Variants in PCDH7 observed in about 807,000 individuals in gnomAD.
The protein encoded by PCDH7 is protocadherin 7.
In PCDH7, 17 loss-of-function variants were observed where a neutral mutation model predicts 58.9. That is an observed-to-expected ratio of 0.29 (90% CI 0.20 to 0.43). PCDH7 has a LOEUF of 0.43. Ranked by LOEUF, PCDH7 falls within the 20% of genes least tolerant of loss-of-function variation. The pLI is 1.00. For missense variants in PCDH7, 1,274 were observed against 1,441.0 expected (o/e 0.88, Z 1.88); for synonymous variants, 664 against 616.4 (o/e 1.08, Z -1.14).
At chr4:30,793,637 A>G (rs999790656) in intron 1 of PCDH7, among the ~76,000 whole-genome samples, 2 of 152,190 alleles carry the variant, frequency 1.3e-5, no homozygotes, top group African/African-American at 2.4e-5. Flanking sequence ...GAGAATACAC[A>G]TATACTTTGT....
At chr4:30,946,782 A>C (rs534558757) in intron 2 of PCDH7, among the ~76,000 whole-genome samples, 1 of 149,444 alleles carries the variant, frequency 6.7e-6, no homozygotes, top group African/African-American at 2.5e-5. Context: ...ATCTTGGCTC[A>C]CTGCAACCTC....
At chr4:30,857,250 G>A (rs765762834) in intron 1 of PCDH7, among the ~76,000 whole-genome samples, 21 of 151,938 alleles carry the variant, frequency 1.4e-4, no homozygotes, top group African/African-American at 2.9e-4. Context: ...CTCTGTCTGC[G>A]TCACATCAGC....
intron 3 of PCDH7, among the ~76,000 whole-genome samples, chr4:30,997,286 TTAA>T (rs1218541052): frequency 2.6e-5 from 4 of 152,138 alleles, no homozygotes; most frequent in African/African-American, 9.7e-5. Context: ...TATAGAACTA[TTAA>T]TAATAACATG....
intron 1 of PCDH7, among the ~76,000 whole-genome samples, chr4:30,890,929 G>T (rs967848378): frequency 6.6e-6 from 1 of 152,090 alleles, no homozygotes; most frequent in Admixed American, 6.6e-5. Flanking sequence ...GGGCCTTTGT[G>T]TTATTAAACA....
At chr4:30,773,436 C>T (rs1198174298) in intron 1 of PCDH7, among the ~76,000 whole-genome samples, 4 of 152,088 alleles carry the variant, frequency 2.6e-5, no homozygotes, top group Non-Finnish European at 4.4e-5. Flanking sequence ...TCATGGACCT[C>T]TCATAATCAT....
chr4:30,842,308 G>C (rs762630649), intron 1 of PCDH7, among the ~76,000 whole-genome samples: 1 of 152,092 alleles, frequency 6.6e-6, no homozygotes, highest in Non-Finnish European at 1.5e-5. Context: ...TACATAACTG[G>C]AACATAGTAA....
chr4:30,911,025 G>A (rs1741674517), intron 1 of PCDH7, among the ~76,000 whole-genome samples: 1 of 152,078 alleles, frequency 6.6e-6, no homozygotes, highest in South Asian at 2.1e-4. Flanking sequence ...GGATGAAGTT[G>A]GAAACCATCC....
chr4:30,725,093 T>C (rs1184752048), intron 1 of PCDH7: 1 of 1,001,258 alleles, frequency 1.0e-6, no homozygotes, highest in East Asian at 1.1e-4. Flanking sequence ...TAGATGCTGA[T>C]TCATGCAGAT....
chr4:31,108,709 C>T (rs1391517821), intron 3 of PCDH7, among the ~76,000 whole-genome samples: 1 of 151,966 alleles, frequency 6.6e-6, no homozygotes, highest in Admixed American at 6.6e-5. Context: ...ATTGTAGATA[C>T]ATAACATATT....
At position 30,763,247 on chromosome 4, in the gene PCDH7, T is replaced by A. The variant is rs562437876; in HGVS notation, c.70+38651T>A. Among the ~76,000 whole-genome samples, 22 of 152,222 alleles carry A rather than the reference T, an allele frequency of 1.4e-4. 1 individual carries two copies. The highest frequency in any genetic ancestry group is 5.3e-4 in the African/African-American group (22 of 41,550). On this transcript the variant is annotated intron_variant, in intron 1 of 3. Transcript: ENST00000509759. ...AAAAAAATAAAAGCATAAATAAATATATTTAGCCTAAAATGGCTGTATTAT... is the reference window on the plus strand; with the variant it reads ...AAAAAAATAAAAGCATAAATAAATAAATTTAGCCTAAAATGGCTGTATTAT...
chr4:30,806,521 G>T (rs746925624), intron 1 of PCDH7, among the ~76,000 whole-genome samples: 1 of 151,700 alleles, frequency 6.6e-6, no homozygotes, highest in Admixed American at 6.6e-5. Context: ...GGTCAGGCTG[G>T]TCTCGAACTC....
At chr4:30,983,556 T>G (rs1450614860) in intron 3 of PCDH7, among the ~76,000 whole-genome samples, 1 of 152,222 alleles carries the variant, frequency 6.6e-6, no homozygotes, top group East Asian at 1.9e-4. Context: ...TACATTTGCA[T>G]GATCATTCAT....
intron 3 of PCDH7, among the ~76,000 whole-genome samples, chr4:30,960,232 G>A (rs1422305928): frequency 1.3e-5 from 2 of 151,748 alleles, no homozygotes; most frequent in East Asian, 3.9e-4. Flanking sequence ...ATTTGGAGAT[G>A]CTACATCCAA....
chr4:30,753,571 T>TTGGATTTTTGACACAGGGCTCAAG, intron 1 of PCDH7, among the ~76,000 whole-genome samples: 1 of 152,148 alleles, frequency 6.6e-6, no homozygotes, highest in Non-Finnish European at 1.5e-5. Context: ...TATACACCCT[T>TTGGATTTTTGACACAGGGCTCAAG]TGGATTTTTG....
At chr4:30,867,140 A>G (rs187607219) in intron 1 of PCDH7, among the ~76,000 whole-genome samples, 427 of 152,190 alleles carry the variant, frequency 2.8e-3, no homozygotes, top group African/African-American at 9.6e-3. Context: ...GTACAGGTCC[A>G]TGGATCAGAG....
intron 2 of PCDH7, among the ~76,000 whole-genome samples, chr4:30,937,244 C>T (rs1745470736): frequency 6.6e-6 from 1 of 152,138 alleles, no homozygotes; most frequent in South Asian, 2.1e-4. Flanking sequence ...AAAACTTTAG[C>T]TAAATGTGTA....
intron 3 of PCDH7, among the ~76,000 whole-genome samples, chr4:31,113,433 A>C (rs1324484782): frequency 1.3e-5 from 2 of 152,226 alleles, no homozygotes; most frequent in Admixed American, 1.3e-4. Flanking sequence ...AGCTATACTT[A>C]ACCAGAATAT....
intron 1 of PCDH7, among the ~76,000 whole-genome samples, chr4:30,822,570 T>A (rs1728507035): frequency 6.6e-6 from 1 of 152,172 alleles, no homozygotes; most frequent in African/African-American, 2.4e-5. Context: ...TTTTGATGAA[T>A]CCGTCATGGT....
chr4:30,986,301 G>T (rs1444099421), intron 3 of PCDH7, among the ~76,000 whole-genome samples: 1 of 151,890 alleles, frequency 6.6e-6, no homozygotes, highest in Non-Finnish European at 1.5e-5. Flanking sequence ...TTCTTCCCAA[G>T]AGGTCATTTT....
Sources: gnomAD v4.1 joint callset for allele counts (sites outside exome capture counted in the v4.1 genomes callset) on GRCh38, gnomAD v4.1.1 for gene constraint, MANE v1.5 for transcripts, NCBI Gene and HGNC (gene_info 2026-07-23, HGNC 2026-07-21) for gene names.